ENTREP2: variants seen among roughly 807,000 people sequenced by gnomAD.
ENTREP2 encodes endosomal transmembrane epsin interactor 2.
chr15:29,404,562 T>A, the ENTREP2 span, among the ~76,000 whole-genome samples: 1 of 151,366 alleles, frequency 6.6e-6, no homozygotes, highest in Non-Finnish European at 1.5e-5. Flanking sequence ...CCTTGCTTCC[T>A]CCCCCACTCA....
the ENTREP2 span, among the ~76,000 whole-genome samples, chr15:29,135,344 T>C: frequency 6.6e-6 from 1 of 152,052 alleles, no homozygotes; most frequent in African/African-American, 2.4e-5. The surrounding 1 kb of genome is among the most constrained non-coding windows in gnomAD (Gnocchi z 7.4). Flanking sequence ...AGTCGTTTGC[T>C]TTCTCTCCCT....
At chr15:29,500,146 A>G in the ENTREP2 span, among the ~76,000 whole-genome samples, 1 of 152,186 alleles carries the variant, frequency 6.6e-6, no homozygotes, top group African/African-American at 2.4e-5. Context: ...GAATTCAACA[A>G]TAATAGTTGG....
chr15:29,387,191 G>C, the ENTREP2 span, among the ~76,000 whole-genome samples: 4 of 152,170 alleles, frequency 2.6e-5, no homozygotes, highest in Admixed American at 2.0e-4. Flanking sequence ...CTAATTTATT[G>C]AGAGTTTTTA....
At chr15:29,534,906 TCAA>T in the ENTREP2 span, among the ~76,000 whole-genome samples, 4 of 152,210 alleles carry the variant, frequency 2.6e-5, no homozygotes, top group Non-Finnish European at 5.9e-5. Flanking sequence ...TGTATACTTT[TCAA>T]AAGTCAAGAG....
At chr15:29,534,268 G>A in the ENTREP2 span, among the ~76,000 whole-genome samples, 1 of 152,254 alleles carries the variant, frequency 6.6e-6, no homozygotes, top group East Asian at 1.9e-4. Context: ...TGGAGTGTCT[G>A]AGAGGATGGA....
the ENTREP2 span, among the ~76,000 whole-genome samples, chr15:29,649,500 C>G: frequency 2.6e-4 from 39 of 152,030 alleles, no homozygotes; most frequent in Non-Finnish European, 4.9e-4. Context: ...GTGGGTAGAT[C>G]ACCTGAGGTC....
chr15:29,659,428 G>A, the ENTREP2 span, among the ~76,000 whole-genome samples: 36 of 152,052 alleles, frequency 2.4e-4, no homozygotes, highest in Admixed American at 2.0e-3. Flanking sequence ...CCGAGATCAC[G>A]CCATTGCCCT....
At chr15:29,391,804 A>G in the ENTREP2 span, among the ~76,000 whole-genome samples, 1 of 152,112 alleles carries the variant, frequency 6.6e-6, no homozygotes, top group African/African-American at 2.4e-5. Flanking sequence ...CCTTTGTAAT[A>G]GTTTTTTTGG....
the ENTREP2 span, among the ~76,000 whole-genome samples, chr15:29,317,162 T>A: frequency 6.6e-6 from 1 of 152,228 alleles, no homozygotes; most frequent in Admixed American, 6.5e-5. Flanking sequence ...TATGCCCAAA[T>A]GTATTCCTCA....
At chr15:29,611,550 C>T in the ENTREP2 span, among the ~76,000 whole-genome samples, 669 of 152,236 alleles carry the variant, frequency 4.4e-3, 6 homozygotes, top group African/African-American at 0.015. Context: ...TTCTCTACTG[C>T]TTCCCAGCCT....
At chr15:29,527,163 G>A in the ENTREP2 span, among the ~76,000 whole-genome samples, 1 of 152,076 alleles carries the variant, frequency 6.6e-6, no homozygotes, top group Non-Finnish European at 1.5e-5. Flanking sequence ...AATTCCTCAT[G>A]GCCAGGCCAT....
the ENTREP2 span, among the ~76,000 whole-genome samples, chr15:29,224,283 G>A: frequency 3.3e-5 from 5 of 152,228 alleles, no homozygotes; most frequent in African/African-American, 7.2e-5. Context: ...GCAGACCTTC[G>A]CAGTGAGTGT....
the ENTREP2 span, chr15:29,269,705 T>G: frequency 6.5e-7 from 1 of 1,529,570 alleles, no homozygotes; most frequent in South Asian, 1.2e-5. Context: ...TTTTGCAACA[T>G]GTCTCCGGCG....
the ENTREP2 span, among the ~76,000 whole-genome samples, chr15:29,647,392 G>A: frequency 1.2e-4 from 18 of 152,142 alleles, no homozygotes; most frequent in African/African-American, 3.9e-4. Context: ...GGAAAGGGAT[G>A]GGATGTTCAT....
chr15:29,182,474 AT>A, the ENTREP2 span, among the ~76,000 whole-genome samples: 5 of 152,302 alleles, frequency 3.3e-5, no homozygotes, highest in African/African-American at 9.6e-5. Flanking sequence ...ACAAAATGAT[AT>A]GACACCTAGG....
chr15:29,526,783 G>A, the ENTREP2 span, among the ~76,000 whole-genome samples: 3 of 151,880 alleles, frequency 2.0e-5, no homozygotes, highest in Admixed American at 2.0e-4. Context: ...AAAGGATCAT[G>A]TTTGCCCCAT....
chr15:29,404,261 TG>T, the ENTREP2 span, among the ~76,000 whole-genome samples: 24 of 152,144 alleles, frequency 1.6e-4, 1 homozygote, highest in Middle Eastern at 3.4e-3. Flanking sequence ...TGTCCATCCC[TG>T]GGTTTAGACA....
chr15:29,158,981 G>A, the ENTREP2 span, among the ~76,000 whole-genome samples: 1 of 152,160 alleles, frequency 6.6e-6, no homozygotes, highest in Non-Finnish European at 1.5e-5. Context: ...CGACAGCAAT[G>A]ACAATGTACA....
chr15:29,621,522 CAAAAAAAAAAA>C, the ENTREP2 span, among the ~76,000 whole-genome samples: 2,951 of 15,674 alleles, frequency 0.19, 47 homozygotes, highest in Non-Finnish European at 0.24. Flanking sequence ...GACTCTGTCT[CAAAAAAAAAAA>C]AAAAAAAAAA....
Sources: allele counts gnomAD v4.1 joint callset (sites outside exome capture counted in the v4.1 genomes callset), GRCh38; gene constraint gnomAD v4.1.1; non-coding constraint Gnocchi (gnomAD v3.1); transcripts MANE v1.5; gene names NCBI Gene and HGNC (gene_info 2026-07-23, HGNC 2026-07-21).